The following PDE9A variants were observed in gnomAD, a reference collection of about 807,000 sequenced individuals.
The protein encoded by PDE9A is phosphodiesterase 9A, also known as high affinity cGMP-specific 3',5'-cyclic phosphodiesterase 9A.
Under a neutral mutation model 87.4 loss-of-function variants are expected in PDE9A, and 60 were observed. That is an observed-to-expected ratio of 0.69 (90% CI 0.56 to 0.85). The LOEUF (loss-of-function observed/expected upper bound fraction) is 0.85, where lower values mean the gene tolerates loss of function less well. Ranked by LOEUF, PDE9A falls within the 40% of genes least tolerant of loss-of-function variation. The pLI, the probability that PDE9A is intolerant of heterozygous loss-of-function variation, is 0.00. For synonymous variants in PDE9A, 272 were observed against 279.4 expected (o/e 0.97, Z 0.27); for missense variants, 665 against 779.0 (o/e 0.85, Z 1.74).
intron 1 of PDE9A, among the ~76,000 whole-genome samples, chr21:42,680,829 G>A (rs537162872): frequency 3.3e-5 from 5 of 152,324 alleles, no homozygotes; most frequent in African/African-American, 9.6e-5. Context: ...GAAACGGTGG[G>A]AACAGAGGAG....
intron 1 of PDE9A, among the ~76,000 whole-genome samples, chr21:42,657,909 G>A (rs929344734): frequency 3.9e-5 from 6 of 152,368 alleles, no homozygotes; most frequent in African/African-American, 9.6e-5. Flanking sequence ...ACACATCGGT[G>A]GCCGCTTGAG....
chr21:42,684,006 C>T (rs565702145), intron 1 of PDE9A, among the ~76,000 whole-genome samples: 6 of 152,230 alleles, frequency 3.9e-5, no homozygotes, highest in Admixed American at 1.3e-4. Context: ...AGGACCACCC[C>T]GCTCATCTGA....
chr21:42,720,416 C>T (rs971668034), intron 4 of PDE9A, among the ~76,000 whole-genome samples: 3 of 152,032 alleles, frequency 2.0e-5, no homozygotes, highest in African/African-American at 4.8e-5. Context: ...ATCGCTTGAA[C>T]CTGGGAGGCG....
At chr21:42,680,737 T>C (rs1404853018) in intron 1 of PDE9A, among the ~76,000 whole-genome samples, 1 of 152,196 alleles carries the variant, frequency 6.6e-6, no homozygotes, top group Non-Finnish European at 1.5e-5. Context: ...CAGGACTGTC[T>C]TGCTGTGAAC....
At chr21:42,670,917 C>T (rs985088228) in intron 1 of PDE9A, among the ~76,000 whole-genome samples, 1 of 152,106 alleles carries the variant, frequency 6.6e-6, no homozygotes. Context: ...CTTCCCATCC[C>T]TTTTCTTGCC....
chr21:42,662,447 T>C (rs7283167), intron 1 of PDE9A, among the ~76,000 whole-genome samples: 65,137 of 151,740 alleles, frequency 0.43, 17,798 homozygotes, highest in African/African-American at 0.79. Flanking sequence ...CTATGGTACA[T>C]ACACACATAT....
At position 42,659,101 on chromosome 21, in the gene PDE9A, C is replaced by T. The variant is rs1440540566; in HGVS notation, c.69+5218C>T. The stretch of plus-strand genomic sequence containing the variant: ...TTGAGAGCTACAGCAGGTGCTGTCT[C>T]GGAGAGGGCACAGGAAACTGGGCCC... On this transcript the variant is annotated intron_variant, in intron 1 of 19. Coordinates refer to ENST00000291539, the MANE Select transcript of PDE9A (RefSeq NM_002606.3). This position sits in a 1 kb window ranked among gnomAD's most constrained non-coding sequence, Gnocchi z 4.1. 1.3e-5 allele frequency among the ~76,000 whole-genome samples: 2 copies of T among 152,196 alleles called. No individual in the cohort carries two copies. Among genetic ancestry groups the T allele is most frequent in the Admixed American group, 6.5e-5 (1 of 15,286 alleles).
At chr21:42,680,910 T>C (rs972200027) in intron 1 of PDE9A, among the ~76,000 whole-genome samples, 1 of 152,218 alleles carries the variant, frequency 6.6e-6, no homozygotes, top group Non-Finnish European at 1.5e-5. Flanking sequence ...GACATAACAG[T>C]GGCTGCCAGA....
intron 8 of PDE9A, among the ~76,000 whole-genome samples, chr21:42,744,716 C>T (rs2053662807): frequency 1.3e-5 from 2 of 152,202 alleles, no homozygotes; most frequent in South Asian, 2.1e-4. Flanking sequence ...CCTCCAAAGT[C>T]AGTTTTGTGT....
intron 9 of PDE9A, among the ~76,000 whole-genome samples, chr21:42,753,118 C>T (rs904517294): frequency 1.4e-4 from 21 of 152,264 alleles, no homozygotes; most frequent in African/African-American, 9.6e-5. Flanking sequence ...GCAATTCTCC[C>T]ACCTCAGGCT....
intron 7 of PDE9A, chr21:42,741,299 G>A (rs2053227580): frequency 6.6e-6 from 1 of 152,238 alleles, no homozygotes; most frequent in Non-Finnish European, 1.5e-5. Context: ...ATGTGTTCTT[G>A]GGTACCTTTT....
Position 42,753,875 on chromosome 21 carries a change from A to G in PDE9A, c.736-115A>G, listed in dbSNP as rs548606506. The G allele has an allele frequency of 2.4e-4, 142 of 595,150 alleles. 1 individual carries two copies. The highest frequency in any genetic ancestry group is 1.3e-3 in the Admixed American group (42 of 31,184). 36.9% of individuals were successfully genotyped at this position (595,150 alleles called of 1,614,324 possible). A position where few individuals can be genotyped will look rare whatever the true frequency, so the allele number is the denominator to read the frequency against. ...AGACTCTATCTCAAAAAAAAAAAAA[A>G]AAAGAAAGAAAGAAAAAGAAAGAGA... On this transcript the variant is annotated intron_variant, in intron 9 of 19. Coordinates refer to ENST00000291539, the MANE Select transcript of PDE9A (RefSeq NM_002606.3).
chr21:42,678,220 C>A (rs947992206), intron 1 of PDE9A, among the ~76,000 whole-genome samples: 1 of 152,242 alleles, frequency 6.6e-6, no homozygotes, highest in Non-Finnish European at 1.5e-5. Context: ...GGATCTCTGC[C>A]GGCTGCAGAT....
chr21:42,737,342 G>A (rs577580176), intron 7 of PDE9A, among the ~76,000 whole-genome samples: 1 of 152,382 alleles, frequency 6.6e-6, no homozygotes, highest in Non-Finnish European at 1.5e-5. Context: ...ATGCACACGT[G>A]TAAGCACCCA....
chr21:42,740,088 GATAC>G (rs1365289137), intron 7 of PDE9A, among the ~76,000 whole-genome samples: 3 of 152,082 alleles, frequency 2.0e-5, no homozygotes, highest in South Asian at 2.1e-4. Context: ...AAGCTAGATA[GATAC>G]ATACATACAT....
At chr21:42,743,904 G>A in intron 8 of PDE9A, 44 bp downstream of exon 8, 2 of 1,149,600 alleles carry the variant, frequency 1.7e-6, no homozygotes, top group African/African-American at 1.5e-5. Flanking sequence ...CCTGGGGAGG[G>A]CTCCCCGTAC....
chr21:42,670,178 CATACACTT>C (rs1276941297), intron 1 of PDE9A, among the ~76,000 whole-genome samples: 1 of 145,874 alleles, frequency 6.9e-6, no homozygotes, highest in African/African-American at 2.8e-5. Context: ...CACACGCACA[CATACACTT>C]ACACACATTC....
At chr21:42,668,564 C>T (rs1219486881) in intron 1 of PDE9A, among the ~76,000 whole-genome samples, 2 of 152,130 alleles carry the variant, frequency 1.3e-5, no homozygotes, top group Admixed American at 6.6e-5. Flanking sequence ...TTTGGTTCGT[C>T]GATTTTTGCA....
intron 7 of PDE9A, among the ~76,000 whole-genome samples, chr21:42,742,028 G>C (rs1036484943): frequency 4.6e-5 from 7 of 152,200 alleles, no homozygotes; most frequent in African/African-American, 1.7e-4. Flanking sequence ...TAATTGAAAA[G>C]CCGTGCAAAG....
Sources: gnomAD v4.1 joint callset for allele counts (sites outside exome capture counted in the v4.1 genomes callset) on GRCh38, gnomAD v4.1.1 for gene constraint, Gnocchi (gnomAD v3.1) non-coding constraint, MANE v1.5 for transcripts, NCBI Gene and HGNC (gene_info 2026-07-23, HGNC 2026-07-21) for gene names.